Variants in NSMCE2 observed in about 807,000 individuals in gnomAD.
NSMCE2 encodes NSE2 SUMO ligase component of SMC5/6 complex, also known as E3 SUMO-protein ligase NSE2.
NSMCE2 carries 24 observed loss-of-function variants against 23.8 expected under a neutral mutation model. The ratio of observed to expected loss-of-function variants is 1.01; its 90% CI spans 0.73 to 1.42. The LOEUF is 1.42. Among genes scored for constraint, NSMCE2 ranks in the 40% most tolerant of loss-of-function variants. The pLI, the probability that NSMCE2 is intolerant of heterozygous loss-of-function variation, is 0.00. For missense variants in NSMCE2, 284 were observed against 296.5 expected (o/e 0.96, Z 0.31); for synonymous variants, 92 against 94.1 (o/e 0.98, Z 0.13).
intron 1 of NSMCE2, among the ~76,000 whole-genome samples, chr8:125,095,922 G>A (rs987681308): frequency 2.0e-5 from 3 of 151,582 alleles, no homozygotes; most frequent in Non-Finnish European, 4.4e-5. Context: ...TTGAATACTG[G>A]AATTATATCA....
chr8:125,203,443 T>C (rs1253748233), intron 5 of NSMCE2, among the ~76,000 whole-genome samples: 2 of 152,142 alleles, frequency 1.3e-5, no homozygotes, highest in East Asian at 3.9e-4. Context: ...AGCCCATAGG[T>C]CTTTGAGATA....
At chr8:125,309,404 A>G (rs920134785) in intron 5 of NSMCE2, among the ~76,000 whole-genome samples, 1 of 152,088 alleles carries the variant, frequency 6.6e-6, no homozygotes, top group East Asian at 1.9e-4. Flanking sequence ...TTTTATTGCC[A>G]TCATTGAGTC....
intron 5 of NSMCE2, among the ~76,000 whole-genome samples, chr8:125,309,697 C>T (rs908819320): frequency 6.6e-6 from 1 of 152,052 alleles, no homozygotes; most frequent in African/African-American, 2.4e-5. Context: ...TGCACTTCAG[C>T]CTGGGTGCAG....
intron 5 of NSMCE2, among the ~76,000 whole-genome samples, chr8:125,201,194 G>A (rs547086601): frequency 1.4e-4 from 22 of 152,288 alleles, no homozygotes; most frequent in South Asian, 4.1e-4. Context: ...GTCATTCTCC[G>A]TCCAGGTTTG....
intron 5 of NSMCE2, among the ~76,000 whole-genome samples, chr8:125,272,678 A>T (rs1002822329): frequency 7.9e-6 from 1 of 126,596 alleles, no homozygotes; most frequent in Non-Finnish European, 1.7e-5. Context: ...TATTATGTAT[A>T]TATATATCCC....
At chr8:125,284,720 C>T (rs1286849375) in intron 5 of NSMCE2, among the ~76,000 whole-genome samples, 2 of 152,194 alleles carry the variant, frequency 1.3e-5, no homozygotes, top group Non-Finnish European at 2.9e-5. Context: ...TTTATTGGAT[C>T]ACTATTCTGG....
At chr8:125,302,886 T>C (rs550464781) in intron 5 of NSMCE2, among the ~76,000 whole-genome samples, 1 of 152,290 alleles carries the variant, frequency 6.6e-6, no homozygotes, top group East Asian at 1.9e-4. Context: ...AGTTGGTGCC[T>C]GTGCCTCCAA....
At chr8:125,303,440 A>G (rs1828639688) in intron 5 of NSMCE2, among the ~76,000 whole-genome samples, 1 of 152,188 alleles carries the variant, frequency 6.6e-6, no homozygotes, top group South Asian at 2.1e-4. Context: ...GTTTGTGATG[A>G]GTATTGAAGG....
intron 5 of NSMCE2, among the ~76,000 whole-genome samples, chr8:125,355,719 A>G (rs954988451): frequency 6.6e-6 from 1 of 151,862 alleles, no homozygotes; most frequent in East Asian, 1.9e-4. Context: ...AAAAAAAAAA[A>G]AAAGCTATTG....
At chr8:125,250,058 C>T (rs888048482) in intron 5 of NSMCE2, among the ~76,000 whole-genome samples, 2 of 152,166 alleles carry the variant, frequency 1.3e-5, no homozygotes, top group South Asian at 2.1e-4. Context: ...GGCGCAATCT[C>T]GGCTCACTGC....
At chr8:125,120,091 A>G (rs1819196688) in intron 3 of NSMCE2, among the ~76,000 whole-genome samples, 1 of 152,212 alleles carries the variant, frequency 6.6e-6, no homozygotes, top group East Asian at 1.9e-4. Context: ...GAAAGTTACT[A>G]ATATTATTTT....
intron 3 of NSMCE2, among the ~76,000 whole-genome samples, chr8:125,113,004 T>G (rs938785013): frequency 7.0e-6 from 1 of 142,506 alleles, no homozygotes; most frequent in Non-Finnish European, 1.5e-5. Context: ...TAAATATATT[T>G]AATTTTTGTC....
chr8:125,097,097 A>G (rs1817976994), intron 1 of NSMCE2, among the ~76,000 whole-genome samples: 1 of 152,116 alleles, frequency 6.6e-6, no homozygotes, highest in African/African-American at 2.4e-5. Flanking sequence ...GAGATTGTAA[A>G]CAAGCAGTCT....
At chr8:125,232,234 A>G (rs1825352961) in intron 5 of NSMCE2, among the ~76,000 whole-genome samples, 1 of 152,112 alleles carries the variant, frequency 6.6e-6, no homozygotes, top group Non-Finnish European at 1.5e-5. Context: ...GTGGTGGTGC[A>G]TGCCTGTAAT....
At chr8:125,225,691 T>A (rs534812587) in intron 5 of NSMCE2, among the ~76,000 whole-genome samples, 7 of 152,242 alleles carry the variant, frequency 4.6e-5, no homozygotes, top group Middle Eastern at 3.2e-3. Context: ...TCTTGATATA[T>A]TTTATAAGAA....
chr8:125,242,027 C>G (rs986108705), intron 5 of NSMCE2, among the ~76,000 whole-genome samples: 1 of 152,112 alleles, frequency 6.6e-6, no homozygotes. Flanking sequence ...CTTAATGCCC[C>G]TTTTGAGATT....
intron 5 of NSMCE2, among the ~76,000 whole-genome samples, chr8:125,195,470 C>T (rs1284458576): frequency 6.6e-6 from 1 of 152,132 alleles, no homozygotes; most frequent in Non-Finnish European, 1.5e-5. Flanking sequence ...TAAGCACATA[C>T]ATATAAGTCA....
chr8:125,297,061 A>G (rs10755926), intron 5 of NSMCE2, among the ~76,000 whole-genome samples: 80,503 of 152,032 alleles, frequency 0.53, 23,060 homozygotes, highest in Non-Finnish European at 0.63. Flanking sequence ...AATTGTTACA[A>G]TCACTTCACT....
At chr8:125,212,858 C>T (rs2130890538) in intron 5 of NSMCE2, among the ~76,000 whole-genome samples, 1 of 152,152 alleles carries the variant, frequency 6.6e-6, no homozygotes, top group East Asian at 1.9e-4. Context: ...ACCTGGTATG[C>T]CTGGAGGAAA....
Sources: gnomAD v4.1 joint callset for allele counts (sites outside exome capture counted in the v4.1 genomes callset) on GRCh38, gnomAD v4.1.1 for gene constraint, MANE v1.5 for transcripts, NCBI Gene and HGNC (gene_info 2026-07-23, HGNC 2026-07-21) for gene names.